AGBL4: variants seen among roughly 807,000 people sequenced by gnomAD.
AGBL4 encodes cytosolic carboxypeptidase 6.
AGBL4 carries 58 observed loss-of-function variants against 66.4 expected under a neutral mutation model. That is an observed-to-expected ratio of 0.87 (90% CI 0.71 to 1.09). The LOEUF is 1.09. Among genes scored for constraint, AGBL4 ranks in the 50% least tolerant of loss-of-function variants. The pLI is 0.00. For missense variants in AGBL4, 579 were observed against 631.0 expected, an observed-to-expected ratio of 0.92 and a Z score of 0.88; for synonymous variants, 234 against 222.9, an observed-to-expected ratio of 1.05 and a Z score of -0.44.
chr1:49,046,932 AG>A (rs1644095396), intron 4 of AGBL4, among the ~76,000 whole-genome samples: 1 of 152,216 alleles, frequency 6.6e-6, no homozygotes, highest in Non-Finnish European at 1.5e-5. Flanking sequence ...CAAAGACTAC[AG>A]GGGCATATGA....
intron 9 of AGBL4, among the ~76,000 whole-genome samples, chr1:48,616,106 G>A (rs1645313884): frequency 6.6e-6 from 1 of 152,176 alleles, no homozygotes; most frequent in Non-Finnish European, 1.5e-5. Flanking sequence ...TATGGATTTT[G>A]GAGGGGCACA....
intron 9 of AGBL4, among the ~76,000 whole-genome samples, chr1:48,609,621 C>T (rs1309466861): frequency 6.6e-6 from 1 of 152,106 alleles, no homozygotes; most frequent in Non-Finnish European, 1.5e-5. Context: ...TAGGGTATTG[C>T]TATGTTGCCT....
At chr1:48,618,245 G>T (rs563041994) in intron 9 of AGBL4, among the ~76,000 whole-genome samples, 1 of 152,168 alleles carries the variant, frequency 6.6e-6, no homozygotes, top group Non-Finnish European at 1.5e-5. Flanking sequence ...GTCTCACAAC[G>T]TTGCAATAAA....
At chr1:49,656,810 T>G (rs2124473052) in intron 3 of AGBL4, among the ~76,000 whole-genome samples, 1 of 152,298 alleles carries the variant, frequency 6.6e-6, no homozygotes, top group East Asian at 1.9e-4. Context: ...TCAACAACTT[T>G]TCATGCTAAA....
chr1:48,720,577 C>T (rs1039047257), intron 6 of AGBL4, among the ~76,000 whole-genome samples: 1 of 152,288 alleles, frequency 6.6e-6, no homozygotes, highest in East Asian at 1.9e-4. Context: ...GGTAATAGTA[C>T]CTGCTTCACA....
chr1:49,199,101 G>A (rs1208688837), intron 4 of AGBL4, among the ~76,000 whole-genome samples: 9 of 151,964 alleles, frequency 5.9e-5, no homozygotes, highest in Non-Finnish European at 1.5e-5. Context: ...TATATGCCGG[G>A]ACCAGTGTTA....
chr1:48,603,237 T>C lies in AGBL4; in HGVS notation c.952-12252A>G, dbSNP rs1334945840. On this transcript the variant is annotated intron_variant, in intron 9 of 13. Transcript: ENST00000371839. ...CTGTAATCCCAGCTCTTTGGGAAGC[T>C]GAGGCAGGTGGATCATGAGGTCAGG... Among the ~76,000 whole-genome samples, 71 of 151,994 alleles carry C rather than the reference T, an allele frequency of 4.7e-4. 1 individual carries two copies. The East Asian group carries it at 0.013, about 27-fold the overall frequency.
chr1:49,555,248 T>A (rs1289874259), intron 3 of AGBL4, among the ~76,000 whole-genome samples: 1 of 151,554 alleles, frequency 6.6e-6, no homozygotes, highest in Non-Finnish European at 1.5e-5. Context: ...GATTGGTGCA[T>A]TGACAATCCT....
chr1:48,697,195 G>T (rs1392425089), intron 6 of AGBL4, among the ~76,000 whole-genome samples: 1 of 152,174 alleles, frequency 6.6e-6, no homozygotes, highest in African/African-American at 2.4e-5. Flanking sequence ...AAGGGCCAGG[G>T]AGCTTACCAC....
intron 5 of AGBL4, among the ~76,000 whole-genome samples, chr1:48,977,396 C>A (rs952992261): frequency 2.0e-5 from 3 of 152,062 alleles, no homozygotes; most frequent in Non-Finnish European, 4.4e-5. Flanking sequence ...AGTTGGGAAA[C>A]CGAAAGTTTG....
intron 3 of AGBL4, among the ~76,000 whole-genome samples, chr1:49,269,524 T>C (rs1570289241): frequency 6.6e-6 from 1 of 152,172 alleles, no homozygotes; most frequent in African/African-American, 2.4e-5. Flanking sequence ...TCTGACACTT[T>C]TAAAGGTCTG....
At chr1:49,768,598 C>G (rs902748894) in intron 2 of AGBL4, among the ~76,000 whole-genome samples, 1 of 152,096 alleles carries the variant, frequency 6.6e-6, no homozygotes, top group South Asian at 2.1e-4. Context: ...TGGAACAATT[C>G]CCCTTGAGAA....
intron 1 of AGBL4, among the ~76,000 whole-genome samples, chr1:49,910,756 GC>G (rs1428577132): frequency 2.0e-5 from 3 of 152,224 alleles, no homozygotes; most frequent in Non-Finnish European, 4.4e-5. Flanking sequence ...CGGGCAGATT[GC>G]CTGAGCTCAG....
chr1:49,301,362 GCTAA>G (rs1156831286), intron 3 of AGBL4, among the ~76,000 whole-genome samples: 2 of 152,200 alleles, frequency 1.3e-5, no homozygotes, highest in Middle Eastern at 3.2e-3. Context: ...AACATCACAA[GCTAA>G]CTGTCTTTGC....
At chr1:49,721,599 A>G (rs1648617224) in intron 2 of AGBL4, among the ~76,000 whole-genome samples, 1 of 152,142 alleles carries the variant, frequency 6.6e-6, no homozygotes, top group Admixed American at 6.6e-5. Flanking sequence ...TGACATTTTG[A>G]ATTTTATTAT....
chr1:48,963,669 G>T (rs750250772), intron 5 of AGBL4, among the ~76,000 whole-genome samples: 1 of 152,030 alleles, frequency 6.6e-6, no homozygotes, highest in Non-Finnish European at 1.5e-5. Context: ...GGAAATAAAT[G>T]ACCTCACAGC....
intron 3 of AGBL4, among the ~76,000 whole-genome samples, chr1:49,462,674 A>C (rs1237365303): frequency 6.6e-6 from 1 of 151,748 alleles, no homozygotes; most frequent in Admixed American, 6.6e-5. Context: ...AGGGTTACAA[A>C]TGTTGAAGTC....
At position 49,830,369 on chromosome 1, in the gene AGBL4, C is replaced by T. The variant is rs1056066517; in HGVS notation, c.157+21027G>A. ...TTTGCATTTCTCTAATGACCAGTGA[C>T]GATGAGCTTTTTTTACATATATTAG... On this transcript the variant is annotated intron_variant, in intron 2 of 13. Coordinates refer to ENST00000371839, the MANE Select transcript of AGBL4 (RefSeq NM_032785.4). 3.9e-5 allele frequency among the ~76,000 whole-genome samples: 6 copies of T among 152,102 alleles called. No homozygotes were observed. The South Asian group carries it at 8.3e-4, about 21-fold the overall frequency.
intron 1 of AGBL4, among the ~76,000 whole-genome samples, chr1:49,989,766 T>C (rs1293291767): frequency 6.6e-6 from 1 of 152,212 alleles, no homozygotes. Context: ...GGCATTCCAA[T>C]CTGCTCTACC....
Sources: gnomAD v4.1 joint callset for allele counts (sites outside exome capture counted in the v4.1 genomes callset) on GRCh38, gnomAD v4.1.1 for gene constraint, MANE v1.5 for transcripts, NCBI Gene and HGNC (gene_info 2026-07-23, HGNC 2026-07-21) for gene names.